The following ZFPM1 variants were observed in gnomAD, a reference collection of about 807,000 sequenced individuals.
ZFPM1 encodes zinc finger protein, FOG family member 1.
ZFPM1 carries 28 observed loss-of-function variants against 46.3 expected under a neutral mutation model. That is an observed-to-expected ratio of 0.60 (90% CI 0.45 to 0.83). ZFPM1 has a LOEUF of 0.83. Ranked by LOEUF, ZFPM1 falls within the 40% of genes least tolerant of loss-of-function variation. The pLI is 0.00. For missense variants in ZFPM1, 1,878 were observed against 1,432.4 expected, an observed-to-expected ratio of 1.31 and a Z score of -5.02; for synonymous variants, 957 against 675.9, an observed-to-expected ratio of 1.42 and a Z score of -6.45.
At chr16:88,494,512 G>A (rs895232518) in intron 3 of ZFPM1, among the ~76,000 whole-genome samples, 6 of 152,060 alleles carry the variant, frequency 3.9e-5, no homozygotes, top group African/African-American at 1.2e-4. Context: ...ACCAAACCCC[G>A]CCGTCACCAC....
At chr16:88,461,240 T>A (rs879269621) in intron 1 of ZFPM1, among the ~76,000 whole-genome samples, 29,321 of 69,836 alleles carry the variant, frequency 0.42, 4,548 homozygotes, top group East Asian at 0.51. Context: ...GACCCAGGGG[T>A]GGGGCGGGAG....
chr16:88,473,524 G>T lies in ZFPM1; in HGVS notation c.41-12415G>T, dbSNP rs528895239. On this transcript the variant is annotated intron_variant, in intron 1 of 9. Coordinates refer to ENST00000319555, the MANE Select transcript of ZFPM1 (RefSeq NM_153813.3). Reference sequence around the variant, plus strand: ...GACGGCCCCGCTGCCCCGGGGTCTGGGTGCTGCGCCCCACTTCTCCCATGG... The same window carrying T: ...GACGGCCCCGCTGCCCCGGGGTCTGTGTGCTGCGCCCCACTTCTCCCATGG... Among the ~76,000 whole-genome samples the T allele has an allele frequency of 3.9e-3, 591 of 152,230 alleles. 4 individuals carry two copies. The highest frequency in any genetic ancestry group is 0.014 in the African/African-American group (574 of 41,568).
At chr16:88,474,063 A>G (rs1402801786) in intron 1 of ZFPM1, among the ~76,000 whole-genome samples, 1 of 152,222 alleles carries the variant, frequency 6.6e-6, no homozygotes, top group African/African-American at 2.4e-5. Flanking sequence ...TTCAGCGGTG[A>G]TGAATGTTGA....
chr16:88,514,292 C>T, intron 3 of ZFPM1, 95 bp from the exon 4 acceptor site: 1 of 1,513,380 alleles, frequency 6.6e-7, no homozygotes, highest in Non-Finnish European at 8.8e-7. Flanking sequence ...CCCAGGACTG[C>T]CACCCTCCAC....
chr16:88,454,315 C>A (rs1567523010), intron 1 of ZFPM1, among the ~76,000 whole-genome samples: 1 of 152,212 alleles, frequency 6.6e-6, no homozygotes, highest in Non-Finnish European at 1.5e-5. Context: ...TCCAGCCCCC[C>A]AGACACCCCC....
Position 88,526,798 on chromosome 16 carries a change from TACCC to T in ZFPM1, c.403-15_403-12del. 1 of 1,381,816 alleles carries T rather than the reference TACCC, an allele frequency of 7.2e-7. No individual in the cohort carries two copies. Among genetic ancestry groups the T allele is most frequent in the Non-Finnish European group, 9.5e-7 (1 of 1,050,278 alleles). 85.6% of individuals were successfully genotyped at this position (1,381,816 alleles called of 1,614,324 possible). A position where few individuals can be genotyped will look rare whatever the true frequency, so the allele number is the denominator to read the frequency against. On this transcript the variant is annotated splice_polypyrimidine_tract_variant and intron_variant, in intron 4 of 9. Transcript: ENST00000319555. ...TGACGGACCCCTCCCCACGTGTTCC[TACCC>T]TCCCCCCCCAGAGCCCAGCCCTGAC...
rs953497879 is a variant in ZFPM1, at chr16:88,536,759, C to T, written c.*1780C>T. ...CCACCCCCTCCCAGGGACCTGAGCT[C>T]CAGGGAAGGCAAGCAGCCTTTTCCT... On this transcript the variant is annotated 3_prime_UTR_variant, in exon 10 of 10. Coordinates refer to ENST00000319555, the MANE Select transcript of ZFPM1 (RefSeq NM_153813.3). The T allele has an allele frequency of 2.6e-5, 4 of 152,364 alleles. No individual in the cohort carries two copies. Among genetic ancestry groups the T allele is most frequent in the Admixed American group, 2.0e-4 (3 of 15,308 alleles). The allele number at this position is 152,364 out of a possible 1,614,324, so 9.4% of individuals were successfully genotyped here.
intron 4 of ZFPM1, among the ~76,000 whole-genome samples, chr16:88,518,734 AGGGTGGAT>A (rs1325841141): frequency 2.4e-5 from 2 of 82,386 alleles, no homozygotes; most frequent in East Asian, 4.3e-4. Flanking sequence ...GATGGCTGAG[AGGGTGGAT>A]GGATGGATGG....
In ZFPM1 at chr16:88,469,882, G is replaced by A. The variant is rs187753739; in HGVS notation, c.41-16057G>A. On this transcript the variant is annotated intron_variant, in intron 1 of 9. Transcript: ENST00000319555. This position sits in a 1 kb window ranked among gnomAD's most constrained non-coding sequence, Gnocchi z 4.3. ...CGTGGGGTGCAGTGCCTCTCACGTG[G>A]TGAGGGTCAGAGGTGCGTGCCCAGC... 5.3e-4 allele frequency among the ~76,000 whole-genome samples: 81 copies of A among 152,204 alleles called. No homozygotes were observed. The Middle Eastern group carries it at 0.014, about 26-fold the overall frequency.
In ZFPM1 at chr16:88,533,962, C is replaced by T. The variant is rs748103939; in HGVS notation, c.2004C>T (p.Ser668=). The stretch of plus-strand genomic sequence containing the variant: ...GCCGGGGCAGCGAGGGCAGCCAGAG[C>T]CCGGGTAGCTCCGTGGACGACGCGG... ...AGGRGSEGSQ[S]PGSSVDDAED... Residue 668 remains serine, a synonymous_variant, in exon 10 of 10, where the codon AGC becomes AGT. Transcript: ENST00000319555. 4.6e-6 allele frequency: 6 copies of T among 1,306,064 alleles called. No homozygotes were observed. Among genetic ancestry groups the T allele is most frequent in the East Asian group, 5.0e-5 (1 of 19,960 alleles). 80.9% of individuals were successfully genotyped at this position (1,306,064 alleles called of 1,614,324 possible).
chr16:88,453,759 C>A (rs1388663022), intron 1 of ZFPM1, 81 bp downstream of exon 1: 1 of 862,324 alleles, frequency 1.2e-6, no homozygotes, highest in Non-Finnish European at 1.4e-6. Context: ...CCCCGCCCGT[C>A]CCCGCTCTGC....
chr16:88,512,096 C>T (rs1911000370), intron 3 of ZFPM1, among the ~76,000 whole-genome samples: 1 of 152,238 alleles, frequency 6.6e-6, no homozygotes, highest in African/African-American at 2.4e-5. Flanking sequence ...AAGGGGCGGC[C>T]GCCACGGGAA....
upstream of ZFPM1, among the ~76,000 whole-genome samples, chr16:88,452,908 C>T (rs1014089028): frequency 6.6e-6 from 1 of 152,170 alleles, no homozygotes; most frequent in Non-Finnish European, 1.5e-5. Flanking sequence ...GACATGACCT[C>T]CGGGCCAAAG....
intron 1 of ZFPM1, among the ~76,000 whole-genome samples, chr16:88,454,864 C>T (rs1166816704): frequency 1.3e-5 from 2 of 152,212 alleles, no homozygotes; most frequent in African/African-American, 4.8e-5. Context: ...CCGGGCACTA[C>T]CTCCTTTGTC....
chr16:88,462,094 G>A (rs1907921124), intron 1 of ZFPM1, among the ~76,000 whole-genome samples: 1 of 152,208 alleles, frequency 6.6e-6, no homozygotes, highest in South Asian at 2.1e-4. Context: ...GCAGGAATGT[G>A]GTGGCTGATC....
chr16:88,520,442 G>C (rs180862424), intron 4 of ZFPM1, among the ~76,000 whole-genome samples: 85 of 151,042 alleles, frequency 5.6e-4, no homozygotes, highest in African/African-American at 2.0e-3. Context: ...TGGATGGATA[G>C]GTGGGTAGAT....
In ZFPM1 at chr16:88,533,153, C is replaced by G. The variant is rs1209030219; in HGVS notation, c.1195C>G (p.Leu399Val). Residue 399 changes from leucine (L) to valine (V), a missense_variant, in exon 10 of 10, where the codon CTG (leucine) becomes GTG (valine). Transcript: ENST00000319555. ...HPATKLPPDS[L>V]GSFQQQHTAL... is the part of the protein sequence containing the mutation. ...CCCCTGCGATCTCTCTGCAGACAGTCTGGGCAGCTTCCAGCAGCAGCACAC... is the reference window on the plus strand; with the variant it reads ...CCCCTGCGATCTCTCTGCAGACAGTGTGGGCAGCTTCCAGCAGCAGCACAC... The G allele has an allele frequency of 1.3e-6, 2 of 1,498,102 alleles. No individual in the cohort carries two copies. Among genetic ancestry groups the G allele is most frequent in the Non-Finnish European group, 1.8e-6 (2 of 1,130,384 alleles). The allele number at this position is 1,498,102 out of a possible 1,614,324, so 92.8% of individuals were successfully genotyped here. A position where few individuals can be genotyped will look rare whatever the true frequency, so the allele number is the denominator to read the frequency against.
At chr16:88,520,040 G>A (rs1294733761) in intron 4 of ZFPM1, among the ~76,000 whole-genome samples, 2 of 151,728 alleles carry the variant, frequency 1.3e-5, no homozygotes, top group East Asian at 3.9e-4. Flanking sequence ...AGGATAACCA[G>A]GTGGATGTAT....
chr16:88,487,260 G>A (rs1157680791), intron 2 of ZFPM1, among the ~76,000 whole-genome samples: 1 of 152,156 alleles, frequency 6.6e-6, no homozygotes, highest in Non-Finnish European at 1.5e-5. Context: ...AGCAGGTTGT[G>A]GGGTGGGCTC....
Sources: allele counts gnomAD v4.1 joint callset (sites outside exome capture counted in the v4.1 genomes callset), GRCh38; gene constraint gnomAD v4.1.1; non-coding constraint Gnocchi (gnomAD v3.1); transcripts MANE v1.5; gene names NCBI Gene and HGNC (gene_info 2026-07-23, HGNC 2026-07-21).